The following CHIC2 variants were observed in gnomAD, a reference collection of about 807,000 sequenced individuals.
The protein encoded by CHIC2 is cysteine-rich hydrophobic domain-containing protein 2.
In CHIC2, 14 loss-of-function variants were observed where a neutral mutation model predicts 25.9. That is an observed-to-expected ratio of 0.54 (90% CI 0.36 to 0.85). CHIC2 has a LOEUF of 0.85. Among genes scored for constraint, CHIC2 ranks in the 40% least tolerant of loss-of-function variants. The pLI, the probability that CHIC2 is intolerant of heterozygous loss-of-function variation, is 0.01. For synonymous variants in CHIC2, 70 were observed against 72.0 expected (o/e 0.97, Z 0.14); for missense variants, 146 against 202.0 (o/e 0.72, Z 1.68).
chr4:54,044,234 C>G (rs1365578653), intron 3 of CHIC2, among the ~76,000 whole-genome samples: 3 of 152,182 alleles, frequency 2.0e-5, no homozygotes, highest in Non-Finnish European at 4.4e-5. Context: ...CAACATTAGA[C>G]AGATCAACAA....
intron 3 of CHIC2, among the ~76,000 whole-genome samples, chr4:54,035,814 T>C (rs1413793929): frequency 6.6e-6 from 1 of 152,204 alleles, no homozygotes; most frequent in East Asian, 1.9e-4. Context: ...GATTTGAGGC[T>C]TTCTAGTGTA....
At chr4:54,089,563 A>G in the CHIC2 span, among the ~76,000 whole-genome samples, 4 of 152,190 alleles carry the variant, frequency 2.6e-5, no homozygotes, top group African/African-American at 7.2e-5. Flanking sequence ...ATCAGGAAAC[A>G]TATTTCCTAT....
chr4:54,052,604 T>C (rs2110087887), intron 1 of CHIC2, among the ~76,000 whole-genome samples: 1 of 152,238 alleles, frequency 6.6e-6, no homozygotes, highest in South Asian at 2.1e-4. Flanking sequence ...AACCAAACAT[T>C]CTACTAATCC....
chr4:54,046,800 G>T (rs1294960650), intron 3 of CHIC2, among the ~76,000 whole-genome samples: 1 of 152,114 alleles, frequency 6.6e-6, no homozygotes, highest in Non-Finnish European at 1.5e-5. Flanking sequence ...CTGACAAATG[G>T]GATCTAATTA....
intron 3 of CHIC2, among the ~76,000 whole-genome samples, chr4:54,028,999 T>C (rs909864814): frequency 1.3e-5 from 2 of 152,054 alleles, no homozygotes; most frequent in Non-Finnish European, 2.9e-5. Flanking sequence ...GGTGTGCACC[T>C]ATAGCCCCAG....
rs1049290888 is a variant in CHIC2 at position 54,024,607 on chromosome 4, G to A, written c.331-10488C>T. On this transcript the variant is annotated intron_variant, in intron 3 of 5. Coordinates refer to ENST00000263921, the MANE Select transcript of CHIC2 (RefSeq NM_012110.4). ...CTCACTGCTAAAAAAAGGGGACTCCGTATATTTTTAAATAAAGAGTGTTGT... is the reference window on the plus strand; with the variant it reads ...CTCACTGCTAAAAAAAGGGGACTCCATATATTTTTAAATAAAGAGTGTTGT... Among the ~76,000 whole-genome samples, 25 of 152,074 alleles carry A rather than the reference G, an allele frequency of 1.6e-4. 1 individual carries two copies. The highest frequency in any genetic ancestry group is 4.6e-4 in the Admixed American group (7 of 15,266).
chr4:54,042,823 TCATTCTATTA>T (rs1267193748), intron 3 of CHIC2, among the ~76,000 whole-genome samples: 2 of 152,216 alleles, frequency 1.3e-5, no homozygotes, highest in Non-Finnish European at 2.9e-5. Context: ...ATATCATAAG[TCATTCTATTA>T]CAAAGGCATT....
intron 1 of CHIC2, among the ~76,000 whole-genome samples, chr4:54,057,254 A>G (rs1346751427): frequency 6.6e-6 from 1 of 151,150 alleles, no homozygotes; most frequent in Admixed American, 6.6e-5. Context: ...GGCCACTATC[A>G]TGTCTTATGG....
intron 3 of CHIC2, among the ~76,000 whole-genome samples, chr4:54,021,352 T>C (rs951606467): frequency 4.6e-5 from 7 of 152,008 alleles, no homozygotes; most frequent in African/African-American, 1.7e-4. Flanking sequence ...CCCAAATCTT[T>C]CTTCTTTCTC....
At chr4:54,021,185 T>C (rs949170011) in intron 3 of CHIC2, among the ~76,000 whole-genome samples, 1 of 152,298 alleles carries the variant, frequency 6.6e-6, no homozygotes, top group Non-Finnish European at 1.5e-5. Context: ...TTGACCCCAA[T>C]ACAAACTCGA....
In CHIC2 at chr4:54,048,976, T is replaced by G. The variant is rs368083459; in HGVS notation, c.309A>C (p.Pro103=). The change falls in exon 3 of 6, where the codon CCA becomes CCC. Residue 103 remains proline (P), a synonymous_variant. Coordinates refer to ENST00000263921, the MANE Select transcript of CHIC2 (RefSeq NM_012110.4). ...CCCTLGCSMW[P]VICLSKRTRR... ...TTACTCTTTTACTGAGGCAAATAACTGGCCACATACTGCAACCTAATGTGC... is the reference window on the plus strand; with the variant it reads ...TTACTCTTTTACTGAGGCAAATAACGGGCCACATACTGCAACCTAATGTGC... 2.5e-5 allele frequency: 40 copies of G among 1,577,688 alleles called. No individual in the cohort carries two copies. The highest frequency in any genetic ancestry group is 3.0e-5 in the Non-Finnish European group (35 of 1,161,010).
At chr4:54,087,527 G>A in the CHIC2 span, 5 of 1,171,430 alleles carry the variant, frequency 4.3e-6, no homozygotes, top group Non-Finnish European at 5.7e-6. Flanking sequence ...CTACAAATTT[G>A]AGAGGCCCCT....
At chr4:54,030,559 C>CACACACACACAT (rs1172314369) in intron 3 of CHIC2, among the ~76,000 whole-genome samples, 16 of 125,738 alleles carry the variant, frequency 1.3e-4, no homozygotes, top group African/African-American at 4.7e-4. Context: ...TATGTATACA[C>CACACACACACAT]ACACACACAC....
At chr4:54,041,878 A>C (rs1035764568) in intron 3 of CHIC2, among the ~76,000 whole-genome samples, 11 of 152,030 alleles carry the variant, frequency 7.2e-5, no homozygotes, top group African/African-American at 2.7e-4. Context: ...GGGCTAGGGG[A>C]GGGATAGCAT....
At chr4:54,011,812 G>A (rs1715599398) in intron 5 of CHIC2, among the ~76,000 whole-genome samples, 1 of 151,668 alleles carries the variant, frequency 6.6e-6, no homozygotes, top group African/African-American at 2.4e-5. Flanking sequence ...AGAAAAGTTA[G>A]TGCCAAGGTG....
the CHIC2 span, among the ~76,000 whole-genome samples, chr4:54,070,921 A>T: frequency 2.9e-3 from 441 of 152,316 alleles, no homozygotes; most frequent in South Asian, 0.025. Context: ...AAGAGTGGGC[A>T]TCTGACCTAA....
chr4:54,055,364 A>G (rs985106033), intron 1 of CHIC2, among the ~76,000 whole-genome samples: 29 of 151,718 alleles, frequency 1.9e-4, no homozygotes, highest in Non-Finnish European at 1.5e-4. Context: ...TTGAAGACAG[A>G]GCCAAGATGT....
rs2110080598 is a variant in CHIC2, at chr4:54,043,786, C to T, written c.330+5169G>A. Among the ~76,000 whole-genome samples, 2 of 152,306 alleles carry T rather than the reference C, an allele frequency of 1.3e-5. 1 individual carries two copies. Among genetic ancestry groups the T allele is most frequent in the Middle Eastern group, 6.8e-3 (2 of 294 alleles). On this transcript the variant is annotated intron_variant, in intron 3 of 5. Transcript: ENST00000263921. The stretch of plus-strand genomic sequence containing the variant: ...CCAGCTAACATCATAATGACAGGAT[C>T]AAATTCACACATAACAATAATAACC...
intron 3 of CHIC2, among the ~76,000 whole-genome samples, chr4:54,027,156 T>C (rs898874667): frequency 6.6e-6 from 1 of 152,096 alleles, no homozygotes; most frequent in Non-Finnish European, 1.5e-5. Flanking sequence ...CACCCTAGAA[T>C]TGAAAAATAC....
Sources: allele counts gnomAD v4.1 joint callset (sites outside exome capture counted in the v4.1 genomes callset), GRCh38; gene constraint gnomAD v4.1.1; transcripts MANE v1.5; gene names NCBI Gene and HGNC (gene_info 2026-07-23, HGNC 2026-07-21).